Variants in DNAH17 observed in about 807,000 individuals in gnomAD.
The protein encoded by DNAH17 is axonemal beta dynein heavy chain 17.
DNAH17 carries 376 observed loss-of-function variants against 485.6 expected under a neutral mutation model. That is an observed-to-expected ratio of 0.77 (90% confidence interval 0.71 to 0.84). The LOEUF (loss-of-function observed/expected upper bound fraction) is 0.84. Among genes scored for constraint, DNAH17 ranks in the 40% least tolerant of loss-of-function variants. The probability of loss-of-function intolerance (pLI) is 0.00; values close to 1 mark genes in which losing one functional copy is unlikely to be tolerated. For missense variants in DNAH17, 6,370 were observed against 5,839.3 expected, an observed-to-expected ratio of 1.09 and a Z score of -2.96; for synonymous variants, 3,031 against 2,405.9, an observed-to-expected ratio of 1.26 and a Z score of -7.60.
intron 26 of DNAH17, 137 bp downstream of exon 26, chr17:78,514,637 A>C: frequency 8.1e-7 from 1 of 1,230,160 alleles, no homozygotes; most frequent in Non-Finnish European, 1.1e-6. Context: ...TCACTTGTGC[A>C]CGAAGCCAGC....
At chr17:78,453,756 G>C (rs1055864104) in intron 64 of DNAH17, among the ~76,000 whole-genome samples, 2 of 152,200 alleles carry the variant, frequency 1.3e-5, no homozygotes, top group Non-Finnish European at 2.9e-5. Context: ...GGCATGAGCA[G>C]GGTTCACTGC....
rs180826705 is a variant in DNAH17 at position 78,481,304 on chromosome 17, C to A, written c.7650-518G>T. The stretch of plus-strand genomic sequence containing the variant: ...ACTTTTAGTAGAGACTGGGTTTCAC[C>A]GTGTTAGCCAGGATGGTCTTGATCT... On this transcript the variant is annotated intron_variant, in intron 48 of 80. Coordinates refer to ENST00000389840, the MANE Select transcript of DNAH17 (RefSeq NM_173628.4). 2.4e-3 allele frequency among the ~76,000 whole-genome samples: 360 copies of A among 151,798 alleles called. 1 individual carries two copies. Among genetic ancestry groups the A allele is most frequent in the African/African-American group, 7.6e-3 (314 of 41,378 alleles).
At chr17:78,541,246 GGT>G (rs2091571544) in intron 17 of DNAH17, among the ~76,000 whole-genome samples, 1 of 35,308 alleles carries the variant, frequency 2.8e-5, no homozygotes, top group Admixed American at 3.5e-4. Flanking sequence ...TGGGTGGGGG[GGT>G]GAGCAGATGG....
chr17:78,509,917 C>T (rs1010740510), intron 27 of DNAH17, among the ~76,000 whole-genome samples: 1 of 152,204 alleles, frequency 6.6e-6, no homozygotes, highest in Non-Finnish European at 1.5e-5. Flanking sequence ...CGCAGTGGCT[C>T]ACGCCTGTAA....
At chr17:78,464,536 T>G (rs112308103) in intron 56 of DNAH17, among the ~76,000 whole-genome samples, 1,901 of 152,336 alleles carry the variant, frequency 0.012, 39 homozygotes, top group African/African-American at 0.043. Context: ...GCTGGGATTA[T>G]AGGCGTGAGC....
rs977791800 is a variant in DNAH17, at chr17:78,532,653, C to G, written c.2943G>C (p.Glu981Asp). 1.2e-5 allele frequency: 19 copies of G among 1,596,332 alleles called. No homozygotes were observed. Among genetic ancestry groups the G allele is most frequent in the Non-Finnish European group, 1.6e-5 (19 of 1,170,776 alleles). ...ACCTCTCAAAGGAATCCTGGTACTCCTCGGCCTCCTTCATGGCATTGATGA... is the reference window on the plus strand; with the variant it reads ...ACCTCTCAAAGGAATCCTGGTACTCGTCGGCCTCCTTCATGGCATTGATGA... The part of the protein sequence containing the change: ...SLVINAMKEA[E>D]EYQDSFERYS... Residue 981 changes from glutamate (E) to aspartate (D), a missense_variant, in exon 20 of 81, where the codon GAG becomes GAC. Physicochemically the swap from Glu to Asp is conservative, Grantham distance 45 (BLOSUM62 2). Coordinates refer to ENST00000389840, the MANE Select transcript of DNAH17 (RefSeq NM_173628.4).
In DNAH17 at chr17:78,553,832, T is replaced by G. The variant is rs144877307; in HGVS notation, c.2179-1027A>C. Reference sequence around the variant, plus strand: ...CATCTTTTCCGTTACTTTTAATACATAAATCCTCAGTATATAATCACAAAG... The same window carrying G: ...CATCTTTTCCGTTACTTTTAATACAGAAATCCTCAGTATATAATCACAAAG... On this transcript the variant is annotated intron_variant, in intron 14 of 80. Transcript: ENST00000389840. Among the ~76,000 whole-genome samples the G allele has an allele frequency of 2.7e-3, 411 of 152,374 alleles. 3 individuals are homozygous for G. The highest frequency in any genetic ancestry group is 9.5e-3 in the African/African-American group (393 of 41,586).
chr17:78,495,918 C>G lies in DNAH17; in HGVS notation c.5860G>C (p.Ala1954Pro). The G allele has an allele frequency of 6.2e-7, 1 of 1,613,884 alleles. No homozygotes were observed. The highest frequency in any genetic ancestry group is 8.5e-7 in the Non-Finnish European group (1 of 1,179,832). The part of the protein sequence containing the change: ...GIFITMNPGY[A>P]GRAELPENLK... ...TTCTCAGGCAGCTCCGCGCGTCCGG[C>G]GTACCCAGGGTTCATGGTGATGAAG... Residue 1954 changes from alanine (A) to proline (P), a missense_variant, in exon 38 of 81, where the codon GCC (alanine) becomes CCC (proline). Ala to Pro is a conservative substitution (Grantham distance 27, BLOSUM62 -1). Transcript: ENST00000389840.
intron 25 of DNAH17, among the ~76,000 whole-genome samples, chr17:78,524,548 G>A (rs1252756495): frequency 6.6e-6 from 1 of 152,140 alleles, no homozygotes; most frequent in Non-Finnish European, 1.5e-5. Context: ...GCCACAAAGT[G>A]CGTCCTCACC....
At chr17:78,456,927 C>G (rs550573233) in intron 62 of DNAH17, among the ~76,000 whole-genome samples, 1 of 152,248 alleles carries the variant, frequency 6.6e-6, no homozygotes, top group Admixed American at 6.5e-5. Flanking sequence ...CTGGAACAGA[C>G]TCAGCCCCAG....
At position 78,485,972 on chromosome 17, in the gene DNAH17, A is replaced by T. The variant is rs779845484; in HGVS notation, c.7263T>A (p.Asp2421Glu). The T allele has an allele frequency of 1.2e-6, 2 of 1,612,352 alleles. No homozygotes were observed. The highest frequency in any genetic ancestry group is 3.3e-5 in the Admixed American group (2 of 59,948). The stretch of plus-strand genomic sequence containing the variant: ...TGGGGACAGTTACCTGCAGTGGGAC[A>T]TCGGGATCCAGCTCAAAGGAGGGCA... ...DKVPSFELDP[D>E]VPLQASLVHT... Residue 2421 changes from aspartate to glutamate, a missense_variant, in exon 46 of 81, where the codon GAT becomes GAA. Transcript: ENST00000389840.
chr17:78,478,390 C>A (rs903330319), intron 51 of DNAH17, among the ~76,000 whole-genome samples: 2 of 151,328 alleles, frequency 1.3e-5, no homozygotes, highest in African/African-American at 2.4e-5. Flanking sequence ...CCACTATTAT[C>A]ATCAGCACCA....
chr17:78,507,492 G>A lies in DNAH17; in HGVS notation c.4550C>T (p.Ser1517Phe), dbSNP rs747016941. The A allele has an allele frequency of 1.5e-5, 25 of 1,612,964 alleles. No homozygotes were observed. In the South Asian group the frequency reaches 2.5e-4, roughly 16 times the overall value. Reference sequence around the variant, plus strand: ...CTGGTTGATGTCGTCAAAGCGCTGGGAGTCCCCCGGGAGCTGGGTGCGGAT... The same window carrying A: ...CTGGTTGATGTCGTCAAAGCGCTGGAAGTCCCCCGGGAGCTGGGTGCGGAT... ...EDIRTQLPGDSQRFDDINQEF... is the reference protein window; with the variant it reads ...EDIRTQLPGDFQRFDDINQEF... The change falls in exon 28 of 81, where the codon TCC (serine) becomes TTC (phenylalanine). Residue 1517 changes from serine (S) to phenylalanine (F), a missense_variant. Transcript: ENST00000389840.
At chr17:78,516,138 T>C (rs896441877) in intron 25 of DNAH17, among the ~76,000 whole-genome samples, 3 of 148,270 alleles carry the variant, frequency 2.0e-5, no homozygotes, top group African/African-American at 7.5e-5. Flanking sequence ...GATACGATGA[T>C]TTGAAACCTT....
At chr17:78,545,871 AAT>A (rs1333069500) in intron 16 of DNAH17, among the ~76,000 whole-genome samples, 8 of 152,180 alleles carry the variant, frequency 5.3e-5, no homozygotes, top group Admixed American at 1.3e-4. Flanking sequence ...TGGTTAGCTA[AAT>A]ATATATTTTT....
rs112942638 is a variant in DNAH17 at position 78,425,144 on chromosome 17, T to TG, written c.13141+201dup. 3,669 of 581,342 alleles carry TG rather than the reference T, an allele frequency of 6.3e-3. 126 individuals carry two copies. The highest frequency in any genetic ancestry group is 0.06 in the African/African-American group (3,192 of 53,382). 36.0% of individuals were successfully genotyped at this position (581,342 alleles called of 1,614,324 possible). A position where few individuals can be genotyped will look rare whatever the true frequency, so the allele number is the denominator to read the frequency against. ...GGTGTTTTTGGTCTCCTCCAGACCC[T>TG]GCACATTCCCTGAATCCTCTCAACC... On this transcript the variant is annotated intron_variant, in intron 80 of 80. Transcript: ENST00000389840.
At chr17:78,504,557 G>A (rs1263584562) in intron 31 of DNAH17, among the ~76,000 whole-genome samples, 2 of 148,332 alleles carry the variant, frequency 1.3e-5, no homozygotes, top group African/African-American at 2.5e-5. Context: ...AGGTTTTCTC[G>A]AGATTTTTTT....
intron 16 of DNAH17, among the ~76,000 whole-genome samples, chr17:78,547,495 C>G (rs1426115016): frequency 6.6e-6 from 1 of 152,166 alleles, no homozygotes; most frequent in Admixed American, 6.5e-5. Flanking sequence ...CAGAATATGT[C>G]TACATGTGTC....
intron 24 of DNAH17, 165 bp downstream of exon 24, chr17:78,526,486 G>A (rs1364832167): frequency 3.4e-6 from 2 of 588,064 alleles, no homozygotes; most frequent in East Asian, 2.9e-5. Flanking sequence ...CCATGCATGT[G>A]CTCGCACACG....
Sources: allele counts gnomAD v4.1 joint callset (sites outside exome capture counted in the v4.1 genomes callset), GRCh38; gene constraint gnomAD v4.1.1; transcripts MANE v1.5; gene names NCBI Gene and HGNC (gene_info 2026-07-23, HGNC 2026-07-21).